Variants in FANCM observed in about 807,000 individuals in gnomAD.
FANCM encodes Fanconi anemia group M protein.
A neutral mutation model predicts 199.5 loss-of-function variants in FANCM; 140 were observed. The observed-to-expected ratio is 0.70, with a 90% confidence interval of 0.61 to 0.81. FANCM has a LOEUF of 0.81. FANCM is among the 30% of genes least tolerant of loss of function. The probability of loss-of-function intolerance (pLI) is 0.00; values close to 1 mark genes in which losing one functional copy is unlikely to be tolerated. For synonymous variants in FANCM, 840 were observed against 836.8 expected, an observed-to-expected ratio of 1.00 and a Z score of -0.07; for missense variants, 2,410 against 2,421.4, an observed-to-expected ratio of 1.00 and a Z score of 0.10.
In FANCM at chr14:45,176,957, ATCC is replaced by A; in HGVS notation, c.4205_4207del (p.Ser1402del). ...GCAGTGGTCCAATGTATCTGCATAA[ATCC>A]TGTCATTCTGTTGAAGGTAAGATTC... On this transcript the variant is annotated inframe_deletion, in exon 14 of 23. Transcript: ENST00000267430. 1 of 1,594,964 alleles carries A rather than the reference ATCC, an allele frequency of 6.3e-7. No homozygotes were observed. The highest frequency in any genetic ancestry group is 8.6e-7 in the Non-Finnish European group (1 of 1,163,366).
chr14:45,196,389 G>T lies in FANCM; in HGVS notation c.5558G>T (p.Cys1853Phe). ...GTAGAAGTTTGTCCTCTTAATGGCT[G>T]TGATTACATCGTGAGTAATCGCATG... ...LQVEVCPLNG[C>F]DYIVSNRMVV... is the part of the protein sequence containing the mutation. The change falls in exon 21 of 23, where the codon TGT becomes TTT. Residue 1853 changes from cysteine to phenylalanine, a missense_variant. Transcript: ENST00000267430. The T allele has an allele frequency of 6.2e-7, 1 of 1,614,104 alleles. No homozygotes were observed. The highest frequency in any genetic ancestry group is 8.5e-7 in the Non-Finnish European group (1 of 1,180,012).
chr14:45,195,713 T>G (rs1890018202), intron 20 of FANCM: 13 of 329,116 alleles, frequency 3.9e-5, no homozygotes, highest in South Asian at 3.1e-4. Flanking sequence ...ATGTTAGTTT[T>G]TTAAAACTGA....
chr14:45,197,189 T>C (rs1890105914), intron 21 of FANCM, among the ~76,000 whole-genome samples: 1 of 152,152 alleles, frequency 6.6e-6, no homozygotes, highest in Non-Finnish European at 1.5e-5. Flanking sequence ...GACACACCAA[T>C]TACTGGCTTC....
At chr14:45,193,062 A>C (rs1402705480) in intron 20 of FANCM, among the ~76,000 whole-genome samples, 2 of 152,334 alleles carry the variant, frequency 1.3e-5, no homozygotes, top group East Asian at 1.9e-4. Flanking sequence ...ACTGTGGAAA[A>C]GGAACCATGC....
chr14:45,199,736 G>C, intron 22 of FANCM, 134 bp from the exon 23 acceptor site: 1 of 743,642 alleles, frequency 1.3e-6, no homozygotes, highest in Non-Finnish European at 2.4e-6. Context: ...TAATGTTCAA[G>C]ACATATCAGC....
intron 20 of FANCM, among the ~76,000 whole-genome samples, chr14:45,195,768 A>G (rs1011885511): frequency 6.6e-6 from 1 of 152,172 alleles, no homozygotes; most frequent in Non-Finnish European, 1.5e-5. Flanking sequence ...TGGTTATCTG[A>G]TCTTCCTATT....
intron 22 of FANCM, among the ~76,000 whole-genome samples, chr14:45,199,587 C>A (rs1157443749): frequency 6.6e-6 from 1 of 152,188 alleles, no homozygotes; most frequent in Non-Finnish European, 1.5e-5. Context: ...GTTGCCACTT[C>A]CAAATACCAT....
At position 45,150,118 on chromosome 14, in the gene FANCM, T is replaced by G. The variant is rs574128452; in HGVS notation, c.918+1123T>G. On this transcript the variant is annotated intron_variant, in intron 4 of 22. Coordinates refer to ENST00000267430, the MANE Select transcript of FANCM (RefSeq NM_020937.4). ...TTTCATTGCCATGGATTAAAGATGG[T>G]TACAGAAATAGATAACCAAAAAGTT... Among the ~76,000 whole-genome samples, 6 of 152,338 alleles carry G rather than the reference T, an allele frequency of 3.9e-5. No homozygotes were observed. In the South Asian group the frequency reaches 1.2e-3, roughly 32 times the overall value.
intron 10 of FANCM, among the ~76,000 whole-genome samples, chr14:45,166,519 C>G (rs559680534): frequency 6.6e-6 from 1 of 152,018 alleles, no homozygotes; most frequent in Non-Finnish European, 1.5e-5. Flanking sequence ...GTGACTCACG[C>G]CTGTAATTTC....
At position 45,176,037 on chromosome 14, in the gene FANCM, G is replaced by A; in HGVS notation, c.3283G>A (p.Val1095Ile). 1 of 1,613,890 alleles carries A rather than the reference G, an allele frequency of 6.2e-7. No individual in the cohort carries two copies. Among genetic ancestry groups the A allele is most frequent in the Non-Finnish European group, 8.5e-7 (1 of 1,179,870 alleles). ...TAAACATAATCAAAATGAAAATTTAGTACCTAACAATCGTGTTCAAATACA... is the reference window on the plus strand; with the variant it reads ...TAAACATAATCAAAATGAAAATTTAATACCTAACAATCGTGTTCAAATACA... ...VHKHNQNENLVPNNRVQIHRS... is the reference protein window; with the variant it reads ...VHKHNQNENLIPNNRVQIHRS... Residue 1095 changes from valine (V) to isoleucine (I), a missense_variant, in exon 14 of 23, where the codon GTA becomes ATA. Val to Ile is a conservative substitution (Grantham distance 29, BLOSUM62 3). Coordinates refer to ENST00000267430, the MANE Select transcript of FANCM (RefSeq NM_020937.4).
At chr14:45,188,772 A>G in intron 19 of FANCM, 30 bp from the exon 20 acceptor site, 1 of 1,488,100 alleles carries the variant, frequency 6.7e-7, no homozygotes, top group Non-Finnish European at 9.4e-7. Flanking sequence ...TCTGAAATAA[A>G]TATAAAACAT....
At position 45,187,772 on chromosome 14, in the gene FANCM, T is replaced by G; in HGVS notation, c.4673-9T>G. 1 of 1,363,066 alleles carries G rather than the reference T, an allele frequency of 7.3e-7. No individual in the cohort carries two copies. The highest frequency in any genetic ancestry group is 1.1e-6 in the Non-Finnish European group (1 of 952,318). 84.4% of individuals were successfully genotyped at this position (1,363,066 alleles called of 1,614,324 possible). ...TTGCTAATTTATCTAAATTCTTATC[T>G]TTACACAGATTCTGAAATGAGAGCT... On this transcript the variant is annotated splice_polypyrimidine_tract_variant and intron_variant, in intron 18 of 22. Coordinates refer to ENST00000267430, the MANE Select transcript of FANCM (RefSeq NM_020937.4).
At chr14:45,181,561 C>T in intron 15 of FANCM, 37 bp downstream of exon 15, 1 of 1,509,354 alleles carries the variant, frequency 6.6e-7, no homozygotes, top group South Asian at 1.1e-5. Context: ...ATAATCATAT[C>T]AAAGGCTATT....
At chr14:45,152,818 C>T (rs1285239694) in intron 5 of FANCM, among the ~76,000 whole-genome samples, 2 of 152,190 alleles carry the variant, frequency 1.3e-5, no homozygotes, top group Non-Finnish European at 2.9e-5. Context: ...TATTATACCA[C>T]GAAATGTGGT....
chr14:45,146,260 G>A (rs1350130156), intron 3 of FANCM, among the ~76,000 whole-genome samples: 18 of 96,220 alleles, frequency 1.9e-4, no homozygotes, highest in African/African-American at 4.3e-4. Context: ...AAAAAAAAAA[G>A]GATTGTGTTT....
chr14:45,175,552 C>A lies in FANCM; in HGVS notation c.2798C>A (p.Ser933Tyr), dbSNP rs2139243855. 1.2e-6 allele frequency: 2 copies of A among 1,612,896 alleles called. No homozygotes were observed. Among genetic ancestry groups the A allele is most frequent in the Non-Finnish European group, 1.7e-6 (2 of 1,179,126 alleles). ...ACAGAGTGTCAGTTTACAAATAAATCCACTAGTTCACTTGCTGGAAATGTT... is the reference window on the plus strand; with the variant it reads ...ACAGAGTGTCAGTTTACAAATAAATACACTAGTTCACTTGCTGGAAATGTT... The part of the protein sequence containing the change: ...LLTECQFTNK[S>Y]TSSLAGNVLD... The change falls in exon 14 of 23, where the codon TCC becomes TAC. Residue 933 changes from serine to tyrosine, a missense_variant. Transcript: ENST00000267430.
At chr14:45,187,991 C>T in intron 19 of FANCM, 104 bp downstream of exon 19, 1 of 703,750 alleles carries the variant, frequency 1.4e-6, no homozygotes, top group South Asian at 1.5e-5. Context: ...GCTGTCAGAG[C>T]TATTTGAGAT....
At position 45,171,811 on chromosome 14, in the gene FANCM, A is replaced by G. The variant is rs144655195; in HGVS notation, c.2160+1065A>G. Among the ~76,000 whole-genome samples the G allele has an allele frequency of 3.4e-3, 524 of 152,170 alleles. 4 individuals carry two copies. The highest frequency in any genetic ancestry group is 0.012 in the African/African-American group (493 of 41,524). On this transcript the variant is annotated intron_variant, in intron 12 of 22. Transcript: ENST00000267430. ...TTTTGCAGTTGCGAATTTTGCTGCT[A>G]TAAATATGGGTGTGCGAGTATCTTT...
chr14:45,165,318 G>A (rs1219826003), intron 10 of FANCM, among the ~76,000 whole-genome samples: 1 of 152,148 alleles, frequency 6.6e-6, no homozygotes, highest in Admixed American at 6.5e-5. Context: ...AGTACCTTTA[G>A]GAGGCTCACT....
Sources: allele counts gnomAD v4.1 joint callset (sites outside exome capture counted in the v4.1 genomes callset), GRCh38; gene constraint gnomAD v4.1.1; transcripts MANE v1.5; gene names NCBI Gene and HGNC (gene_info 2026-07-23, HGNC 2026-07-21).